Variants in PTTG1IP2 observed in about 807,000 individuals in gnomAD.
PTTG1IP2 encodes PTTG1IP family member 2.
At chr7:90,478,309 G>A (rs1426033428) in intron 1 of PTTG1IP2, among the ~76,000 whole-genome samples, 4 of 152,136 alleles carry the variant, frequency 2.6e-5, no homozygotes, top group East Asian at 1.9e-4. Flanking sequence ...TCTGCCTTCC[G>A]AAAGGAGCCT....
chr7:90,483,509 CTTCT>C (rs1452710514), intron 2 of PTTG1IP2, among the ~76,000 whole-genome samples: 1 of 152,136 alleles, frequency 6.6e-6, no homozygotes, highest in Non-Finnish European at 1.5e-5. Context: ...CATTGGCTTC[CTTCT>C]GAGTTCAGAC....
chr7:90,486,358 G>C (rs1797874700), intron 2 of PTTG1IP2, among the ~76,000 whole-genome samples: 1 of 140,256 alleles, frequency 7.1e-6, no homozygotes, highest in African/African-American at 2.5e-5. Flanking sequence ...TCACCGGGTT[G>C]TCATGAGTAT....
At chr7:90,484,658 A>G (rs1431176651) in intron 2 of PTTG1IP2, among the ~76,000 whole-genome samples, 1 of 152,198 alleles carries the variant, frequency 6.6e-6, no homozygotes, top group Admixed American at 6.5e-5. Context: ...ATAACTTTTT[A>G]GATGTAGTTA....
At chr7:90,475,814 C>T (rs896453445) in intron 1 of PTTG1IP2, among the ~76,000 whole-genome samples, 2 of 151,846 alleles carry the variant, frequency 1.3e-5, no homozygotes, top group South Asian at 4.2e-4. Flanking sequence ...TAAAAATTAG[C>T]CAGGCGTGGT....
intron 2 of PTTG1IP2, among the ~76,000 whole-genome samples, chr7:90,483,029 T>C (rs766381260): frequency 1.3e-5 from 2 of 152,138 alleles, no homozygotes; most frequent in African/African-American, 2.4e-5. Context: ...TTGATATTTA[T>C]TTTTCTGAAA....
intron 6 of PTTG1IP2, among the ~76,000 whole-genome samples, chr7:90,500,631 G>A (rs547783250): frequency 9.5e-4 from 145 of 152,290 alleles, no homozygotes; most frequent in Non-Finnish European, 1.6e-3. Context: ...TAGTCACAAG[G>A]GAGGCCTCAG....
intron 1 of PTTG1IP2, among the ~76,000 whole-genome samples, chr7:90,471,646 C>T (rs17867113): frequency 3.3e-4 from 50 of 152,288 alleles, no homozygotes; most frequent in African/African-American, 1.2e-3. Flanking sequence ...TGGCAAGACT[C>T]CAAATGTTGC....
chr7:90,502,086 C>A (rs1165308552), intron 6 of PTTG1IP2, among the ~76,000 whole-genome samples: 2 of 152,210 alleles, frequency 1.3e-5, no homozygotes, highest in African/African-American at 4.8e-5. Flanking sequence ...TAACAAGTGG[C>A]TCCTCATCCA....
At chr7:90,476,714 CA>C in intron 1 of PTTG1IP2, among the ~76,000 whole-genome samples, 1 of 152,024 alleles carries the variant, frequency 6.6e-6, no homozygotes, top group Non-Finnish European at 1.5e-5. Flanking sequence ...ACATGTAGTA[CA>C]GTACACCAAG....
chr7:90,477,872 C>T (rs567013543), intron 1 of PTTG1IP2, among the ~76,000 whole-genome samples: 6 of 151,900 alleles, frequency 3.9e-5, no homozygotes, highest in Non-Finnish European at 7.4e-5. Context: ...CTGAGGCGGG[C>T]GGATCACGAG....
chr7:90,487,484 T>C (rs930519140), intron 3 of PTTG1IP2, 64 bp downstream of exon 3: 2 of 152,658 alleles, frequency 1.3e-5, no homozygotes, highest in Non-Finnish European at 2.9e-5. Flanking sequence ...TGCTAGTGAT[T>C]TGCTACATTT....
chr7:90,488,081 G>A (rs17863126), intron 3 of PTTG1IP2, among the ~76,000 whole-genome samples: 2,230 of 152,128 alleles, frequency 0.015, 29 homozygotes, highest in Middle Eastern at 0.024. Context: ...GCAGGAAAAC[G>A]TACCAGTACC....
intron 6 of PTTG1IP2, among the ~76,000 whole-genome samples, chr7:90,503,608 T>C (rs1798085462): frequency 6.6e-6 from 1 of 152,208 alleles, no homozygotes; most frequent in Non-Finnish European, 1.5e-5. Flanking sequence ...AATATTGCTG[T>C]GTCTCACTGA....
At chr7:90,470,559 A>T (rs1369810769) in intron 1 of PTTG1IP2, among the ~76,000 whole-genome samples, 1 of 152,210 alleles carries the variant, frequency 6.6e-6, no homozygotes, top group Non-Finnish European at 1.5e-5. Flanking sequence ...AATGAGACAG[A>T]ATAATTACTG....
chr7:90,480,758 T>C (rs1177615644), intron 2 of PTTG1IP2, among the ~76,000 whole-genome samples: 2 of 152,198 alleles, frequency 1.3e-5, no homozygotes, highest in African/African-American at 4.8e-5. Context: ...TTGGCTGATA[T>C]GTGCCTTAAG....
chr7:90,472,285 CACACA>C (rs1797699045), intron 1 of PTTG1IP2, among the ~76,000 whole-genome samples: 2 of 32,518 alleles, frequency 6.2e-5, no homozygotes, highest in Non-Finnish European at 1.0e-4. Context: ...TGCAAACACA[CACACA>C]CACACACACA....
chr7:90,497,291 G>T (rs1584697944), intron 6 of PTTG1IP2, among the ~76,000 whole-genome samples: 1 of 152,102 alleles, frequency 6.6e-6, no homozygotes, highest in Admixed American at 6.6e-5. Flanking sequence ...AAGGCCGGGC[G>T]CAGTGGCTCA....
intron 2 of PTTG1IP2, among the ~76,000 whole-genome samples, chr7:90,486,298 C>A (rs1426476828): frequency 6.6e-6 from 1 of 152,096 alleles, no homozygotes; most frequent in African/African-American, 2.4e-5. Context: ...CATTTAACTT[C>A]TCTGCACCTT....
intron 2 of PTTG1IP2, among the ~76,000 whole-genome samples, chr7:90,482,602 A>G (rs1201040446): frequency 1.3e-5 from 2 of 152,086 alleles, no homozygotes; most frequent in Non-Finnish European, 2.9e-5. Context: ...AATCAGGCTA[A>G]CTAAAAAAGG....
Sources: gnomAD v4.1 joint callset for allele counts (sites outside exome capture counted in the v4.1 genomes callset) on GRCh38, gnomAD v4.1.1 for gene constraint, MANE v1.5 for transcripts, NCBI Gene and HGNC (gene_info 2026-07-23, HGNC 2026-07-21) for gene names.